KDM1A: variants seen among roughly 807,000 people sequenced by gnomAD.
KDM1A encodes the protein lysine-specific histone demethylase 1A.
KDM1A carries 49 observed loss-of-function variants against 109.4 expected under a neutral mutation model. The observed-to-expected ratio is 0.45, with a 90% confidence interval of 0.36 to 0.57. The LOEUF (loss-of-function observed/expected upper bound fraction) is 0.57, where lower values mean the gene tolerates loss of function less well. Ranked by LOEUF, KDM1A falls within the 20% of genes least tolerant of loss-of-function variation. The pLI, the probability that KDM1A is intolerant of heterozygous loss-of-function variation, is 0.00. For synonymous variants in KDM1A, 380 were observed against 415.4 expected, an observed-to-expected ratio of 0.91 and a Z score of 1.04; for missense variants, 668 against 1,116.6, an observed-to-expected ratio of 0.60 and a Z score of 5.73.
rs1371436098 is a variant in KDM1A at position 23,063,229 on chromosome 1, T to G, written c.1168-2831T>G. ...GGGTGTGGTGTGGGGTGGGTGTGTG[T>G]GGGTGTGTGTGTGTGTGTGTGTGTG... On this transcript the variant is annotated intron_variant, in intron 9 of 20. Coordinates refer to ENST00000400181, the MANE Select transcript of KDM1A (RefSeq NM_001009999.3). Among the ~76,000 whole-genome samples the G allele has an allele frequency of 6.6e-3, 240 of 36,384 alleles. 7 individuals are homozygous for G. The highest frequency in any genetic ancestry group is 0.011 in the Non-Finnish European group (150 of 13,178). 23.9% of individuals were successfully genotyped at this position (36,384 alleles called of 152,430 possible).
chr1:23,034,290 A>G (rs1317914498), intron 2 of KDM1A, among the ~76,000 whole-genome samples: 1 of 152,090 alleles, frequency 6.6e-6, no homozygotes, highest in Non-Finnish European at 1.5e-5. Flanking sequence ...GTTTCCTAGT[A>G]CCTTTTCTGT....
At chr1:23,065,706 G>A (rs1175176580) in intron 9 of KDM1A, among the ~76,000 whole-genome samples, 1 of 152,058 alleles carries the variant, frequency 6.6e-6, no homozygotes, top group Non-Finnish European at 1.5e-5. Flanking sequence ...TTTGGTTTTT[G>A]TTTGTTTGAT....
At chr1:23,057,382 C>G in intron 7 of KDM1A, 102 bp from the exon 8 acceptor site, 2 of 839,458 alleles carry the variant, frequency 2.4e-6, no homozygotes, top group Non-Finnish European at 2.0e-6. Flanking sequence ...AACTCTACAT[C>G]TTTATTTTTA....
intron 3 of KDM1A, 42 bp downstream of exon 3, chr1:23,044,528 C>T (rs780281639): frequency 1.1e-5 from 17 of 1,534,282 alleles, no homozygotes; most frequent in Non-Finnish European, 1.5e-5. Context: ...TAGCAAGAGC[C>T]GCCAAGTAGG....
chr1:23,041,307 A>C (rs1642323715), intron 2 of KDM1A, among the ~76,000 whole-genome samples: 1 of 152,094 alleles, frequency 6.6e-6, no homozygotes, highest in Non-Finnish European at 1.5e-5. Flanking sequence ...CAAGAGATAA[A>C]TAACTTGTTT....
intron 9 of KDM1A, among the ~76,000 whole-genome samples, chr1:23,064,334 G>C (rs1261163964): frequency 2.0e-5 from 3 of 152,312 alleles, no homozygotes; most frequent in East Asian, 3.9e-4. Flanking sequence ...TTTACCAAAT[G>C]AACTAATCTT....
intron 1 of KDM1A, among the ~76,000 whole-genome samples, chr1:23,025,904 C>A (rs990839221): frequency 6.6e-6 from 1 of 151,956 alleles, no homozygotes; most frequent in Non-Finnish European, 1.5e-5. Flanking sequence ...TCAGCCTTGG[C>A]AACACGGCAA....
At chr1:23,032,627 A>T (rs185952571) in intron 2 of KDM1A, among the ~76,000 whole-genome samples, 12 of 152,282 alleles carry the variant, frequency 7.9e-5, no homozygotes, top group African/African-American at 2.9e-4. Flanking sequence ...CCTTTAAAAC[A>T]ACTTAATGTT....
At chr1:23,039,045 T>G (rs889697741) in intron 2 of KDM1A, among the ~76,000 whole-genome samples, 1 of 152,242 alleles carries the variant, frequency 6.6e-6, no homozygotes, top group South Asian at 2.1e-4. Flanking sequence ...TTCATGAGAT[T>G]AATCATGCAT....
intron 3 of KDM1A, among the ~76,000 whole-genome samples, chr1:23,045,041 A>G (rs1357828411): frequency 2.0e-5 from 3 of 152,236 alleles, no homozygotes; most frequent in Non-Finnish European, 4.4e-5. Context: ...TGTCTTTTGA[A>G]AAGTCTGAAA....
In KDM1A at chr1:23,057,525, C is replaced by T; in HGVS notation, c.1032C>T (p.Asn344=). Residue 344 remains asparagine (N), a synonymous_variant, in exon 8 of 21, where the codon AAC becomes AAT. Transcript: ENST00000400181. ...GGRVATFRKG[N]YVADLGAMVV... Reference sequence around the variant, plus strand: ...GAGTTGCCACATTTCGCAAAGGAAACTATGTAGCTGATCTTGGAGCCATGG... The same window carrying T: ...GAGTTGCCACATTTCGCAAAGGAAATTATGTAGCTGATCTTGGAGCCATGG... 6.2e-7 allele frequency: 1 copy of T among 1,613,866 alleles called. No individual in the cohort carries two copies. Among genetic ancestry groups the T allele is most frequent in the South Asian group, 1.1e-5 (1 of 91,082 alleles).
chr1:23,042,159 G>A (rs892205495), intron 2 of KDM1A, among the ~76,000 whole-genome samples: 2 of 151,966 alleles, frequency 1.3e-5, no homozygotes, highest in African/African-American at 2.4e-5. Flanking sequence ...TTGTTTTGTC[G>A]GTTTTTTGCT....
intron 8 of KDM1A, among the ~76,000 whole-genome samples, chr1:23,058,529 A>G (rs1642906408): frequency 6.6e-6 from 1 of 152,064 alleles, no homozygotes; most frequent in East Asian, 1.9e-4. Flanking sequence ...TTTGTTTTTA[A>G]TAGAAACAGG....
chr1:23,068,085 G>C (rs1271285391), intron 10 of KDM1A, among the ~76,000 whole-genome samples: 2 of 152,186 alleles, frequency 1.3e-5, no homozygotes, highest in Non-Finnish European at 2.9e-5. Context: ...TTGAGGGGAA[G>C]CCAGATACCT....
intron 7 of KDM1A, among the ~76,000 whole-genome samples, chr1:23,056,397 A>T (rs1642831888): frequency 6.6e-6 from 1 of 152,092 alleles, no homozygotes; most frequent in Admixed American, 6.6e-5. Context: ...TAAAGAAAAA[A>T]AGCTGCTTCT....
rs544917154 is a variant in KDM1A at position 23,040,304 on chromosome 1, G to A, written c.518-4123G>A. ...ACATAGACTTCCTTTTAAGATGTTG[G>A]AAGAGTGATCTCTTGAGTATTTGAA... On this transcript the variant is annotated intron_variant, in intron 2 of 20. Transcript: ENST00000400181. Among the ~76,000 whole-genome samples, 8 of 152,330 alleles carry A rather than the reference G, an allele frequency of 5.3e-5. No homozygotes were observed. In the East Asian group the frequency reaches 7.7e-4, roughly 15 times the overall value.
chr1:23,024,712 G>A (rs138920250), intron 1 of KDM1A, among the ~76,000 whole-genome samples: 1 of 152,368 alleles, frequency 6.6e-6, no homozygotes, highest in African/African-American at 2.4e-5. Flanking sequence ...GCTAGGCCAT[G>A]AAATGGCAGA....
At chr1:23,061,971 T>C (rs1643013977) in intron 9 of KDM1A, among the ~76,000 whole-genome samples, 1 of 152,204 alleles carries the variant, frequency 6.6e-6, no homozygotes, top group Admixed American at 6.5e-5. Flanking sequence ...AACTAGCTTT[T>C]GAACAAGCTT....
chr1:23,071,515 G>T (rs1030410267), intron 13 of KDM1A, among the ~76,000 whole-genome samples, 156 bp downstream of exon 13: 3 of 152,154 alleles, frequency 2.0e-5, no homozygotes, highest in Non-Finnish European at 2.9e-5. Context: ...GGATTTAATG[G>T]GTTAGTTCGG....
Sources: gnomAD v4.1 joint callset for allele counts (sites outside exome capture counted in the v4.1 genomes callset) on GRCh38, gnomAD v4.1.1 for gene constraint, MANE v1.5 for transcripts, NCBI Gene and HGNC (gene_info 2026-07-23, HGNC 2026-07-21) for gene names.